The following ROR1 variants were observed in gnomAD, a reference collection of about 807,000 sequenced individuals.
ROR1 encodes inactive tyrosine-protein kinase transmembrane receptor ROR1.
ROR1 carries 19 observed loss-of-function variants against 78.8 expected under a neutral mutation model. The observed-to-expected ratio is 0.24, with a 90% confidence interval of 0.17 to 0.35. The LOEUF is 0.35. Among genes scored for constraint, ROR1 ranks in the 10% least tolerant of loss-of-function variants. ROR1 has a pLI of 1.00. For synonymous variants in ROR1, 386 were observed against 433.6 expected (o/e 0.89, Z 1.36); for missense variants, 917 against 1,177.8 (o/e 0.78, Z 3.24).
intron 1 of ROR1, among the ~76,000 whole-genome samples, chr1:63,933,300 CA>C (rs1029800697): frequency 2.7e-4 from 41 of 152,248 alleles, no homozygotes; most frequent in African/African-American, 9.9e-4. Flanking sequence ...ATATGTAAAA[CA>C]GGGTTAATAA....
intron 4 of ROR1, among the ~76,000 whole-genome samples, chr1:64,126,831 T>A (rs375418657): frequency 1.3e-5 from 2 of 152,164 alleles, no homozygotes; most frequent in East Asian, 3.8e-4. Context: ...ACAGTCCTTG[T>A]TGGATGGAGG....
At chr1:64,161,573 T>C (rs1413138087) in intron 8 of ROR1, among the ~76,000 whole-genome samples, 1 of 133,496 alleles carries the variant, frequency 7.5e-6, no homozygotes, top group Non-Finnish European at 1.7e-5. Context: ...CCATCCTTCA[T>C]GGTCAGAGAC....
At chr1:63,947,631 G>A (rs1487151998) in intron 1 of ROR1, among the ~76,000 whole-genome samples, 1 of 152,182 alleles carries the variant, frequency 6.6e-6, no homozygotes, top group Non-Finnish European at 1.5e-5. Flanking sequence ...TGGCCGGCGG[G>A]AGGTGATAGC....
intron 1 of ROR1, among the ~76,000 whole-genome samples, chr1:63,882,154 A>G (rs759812114): frequency 2.6e-5 from 4 of 152,160 alleles, no homozygotes; most frequent in Non-Finnish European, 4.4e-5. Context: ...AGAGAAGTGC[A>G]TTTTAGGCAA....
At chr1:63,945,919 A>G (rs933269652) in intron 1 of ROR1, among the ~76,000 whole-genome samples, 1 of 152,222 alleles carries the variant, frequency 6.6e-6, no homozygotes, top group Non-Finnish European at 1.5e-5. Flanking sequence ...ACTTTGGAGA[A>G]CTGGGGAGCC....
intron 8 of ROR1, among the ~76,000 whole-genome samples, chr1:64,164,424 C>A (rs577262865): frequency 1.1e-4 from 16 of 152,294 alleles, no homozygotes; most frequent in African/African-American, 3.6e-4. Flanking sequence ...GCCACAAGAT[C>A]TTAAGCAAAT....
chr1:63,831,460 A>C (rs1352322452), intron 1 of ROR1, among the ~76,000 whole-genome samples: 1 of 152,232 alleles, frequency 6.6e-6, no homozygotes, highest in East Asian at 1.9e-4. Flanking sequence ...GGAAGCTGCC[A>C]AGGCTTGGGG....
At chr1:64,002,707 GA>G (rs200315955) in intron 1 of ROR1, among the ~76,000 whole-genome samples, 13 of 150,594 alleles carry the variant, frequency 8.6e-5, no homozygotes, top group Non-Finnish European at 1.8e-4. Context: ...CTCCAAAGAG[GA>G]AAAAAAAAGG....
chr1:63,999,065 T>G (rs1333858192), intron 1 of ROR1, among the ~76,000 whole-genome samples: 1 of 152,250 alleles, frequency 6.6e-6, no homozygotes, highest in Admixed American at 6.5e-5. Flanking sequence ...CCATTAAACC[T>G]GTTTTTCTTC....
intron 4 of ROR1, among the ~76,000 whole-genome samples, chr1:64,061,055 G>C (rs1235123779): frequency 6.6e-6 from 1 of 152,204 alleles, no homozygotes; most frequent in African/African-American, 2.4e-5. Flanking sequence ...ACCAGGCTGT[G>C]AGTTTCTCAG....
chr1:64,077,831 G>C (rs1227186997), intron 4 of ROR1, among the ~76,000 whole-genome samples: 3 of 152,250 alleles, frequency 2.0e-5, no homozygotes, highest in African/African-American at 7.2e-5. Flanking sequence ...GAACCAGCAT[G>C]TCCTTGCTAA....
intron 8 of ROR1, 34 bp downstream of exon 8, chr1:64,159,226 G>T (rs139259413): frequency 5.3e-6 from 8 of 1,519,016 alleles, no homozygotes; most frequent in Non-Finnish European, 7.3e-6. Context: ...CATTTGTTCC[G>T]TGGGCTTCAA....
At chr1:64,155,659 C>G (rs892148909) in intron 7 of ROR1, among the ~76,000 whole-genome samples, 5 of 152,150 alleles carry the variant, frequency 3.3e-5, no homozygotes, top group African/African-American at 9.7e-5. Flanking sequence ...ACAGAATAGA[C>G]TCCTTTGTTT....
intron 1 of ROR1, among the ~76,000 whole-genome samples, chr1:63,856,531 A>G (rs1378366541): frequency 2.0e-5 from 3 of 152,008 alleles, no homozygotes; most frequent in Non-Finnish European, 4.4e-5. Flanking sequence ...CTTTTCTCTG[A>G]TACTTGGCCT....
chr1:63,825,593 T>A (rs116533014), intron 1 of ROR1, among the ~76,000 whole-genome samples: 1,911 of 152,324 alleles, frequency 0.013, 43 homozygotes, highest in African/African-American at 0.041. Context: ...AAAAGTCGAA[T>A]GTGGTGATTG....
chr1:63,924,871 T>G (rs1042777425), intron 1 of ROR1, among the ~76,000 whole-genome samples: 1 of 151,530 alleles, frequency 6.6e-6, no homozygotes, highest in African/African-American at 2.4e-5. Flanking sequence ...CCTGTCCACA[T>G]TTTCTCATCA....
rs72683087 is a variant in ROR1, at chr1:63,949,725, G to T, written c.92-59580G>T. Among the ~76,000 whole-genome samples the T allele has an allele frequency of 6.5e-3, 990 of 152,058 alleles. 6 individuals carry two copies. The highest frequency in any genetic ancestry group is 0.02 in the South Asian group (98 of 4,802). On this transcript the variant is annotated intron_variant, in intron 1 of 8. Transcript: ENST00000371079. ...GCTTGATTGTCTCAAAATTGAAAAG[G>T]TTTCATGCCATTTTCAGACATGCTT...
At chr1:63,868,890 G>A (rs1039712260) in intron 1 of ROR1, among the ~76,000 whole-genome samples, 1 of 152,190 alleles carries the variant, frequency 6.6e-6, no homozygotes, top group African/African-American at 2.4e-5. Flanking sequence ...TAGCAAATAG[G>A]CACTTATTTT....
chr1:64,178,777 T>A lies in ROR1; in HGVS notation c.2736T>A (p.Ile912=). The A allele has an allele frequency of 6.2e-7, 1 of 1,613,956 alleles. No individual in the cohort carries two copies. The highest frequency in any genetic ancestry group is 8.5e-7 in the Non-Finnish European group (1 of 1,179,996). ...ACAAATCTCAAAAACCCTACAAAAT[T>A]GACTCAAAGCAAGCATCTTTACTAG... ...FGNKSQKPYK[I]DSKQASLLGD... is the part of the protein sequence containing the mutation. The change falls in exon 9 of 9, where the codon ATT becomes ATA. Residue 912 remains isoleucine, a synonymous_variant. Coordinates refer to ENST00000371079, the MANE Select transcript of ROR1 (RefSeq NM_005012.4). This position sits in a 1 kb window ranked among gnomAD's most constrained non-coding sequence, Gnocchi z 4.3.
Sources: allele counts gnomAD v4.1 joint callset (sites outside exome capture counted in the v4.1 genomes callset), GRCh38; gene constraint gnomAD v4.1.1; non-coding constraint Gnocchi (gnomAD v3.1); transcripts MANE v1.5; gene names NCBI Gene and HGNC (gene_info 2026-07-23, HGNC 2026-07-21).